Variants in ASMT observed in about 807,000 individuals in gnomAD.
ASMT encodes the protein acetylserotonin O-methyltransferase, also known as acetylserotonin N-methyltransferase.
Under a neutral mutation model 41.3 loss-of-function variants are expected in ASMT, and 53 were observed. That is an observed-to-expected ratio of 1.28 (90% CI 1.03 to 1.61). The LOEUF (loss-of-function observed/expected upper bound fraction) is 1.61, where lower values mean the gene tolerates loss of function less well. ASMT is among the 40% of genes most tolerant of loss of function. The pLI is 0.00. For missense variants in ASMT, 531 were observed against 441.3 expected (o/e 1.20, Z -1.82); for synonymous variants, 231 against 184.8 (o/e 1.25, Z -2.03).
At position 1,636,498 on chromosome X, in the gene ASMT, A is replaced by G. The variant is rs1243171133; in HGVS notation, c.848A>G (p.His283Arg). 2 of 1,613,906 alleles carry G rather than the reference A, an allele frequency of 1.2e-6. No individual in the cohort carries two copies. The highest frequency in any genetic ancestry group is 1.7e-6 in the Non-Finnish European group (2 of 1,179,858). Residue 283 changes from histidine (H) to arginine (R), a missense_variant, in exon 8 of 9, where the codon CAT becomes CGT. His to Arg is a conservative substitution (Grantham distance 29, BLOSUM62 0). Transcript: ENST00000381241. ...ADLYILARVL[H>R]DWADGKCSHL... ...CTGTACATCCTGGCCAGGGTCCTCC[A>G]TGACTGGGCAGACGGAAAGTGCTCA...
intron 8 of ASMT, among the ~76,000 whole-genome samples, chrX:1,640,610 C>G (rs1935113151): frequency 3.5e-5 from 1 of 28,266 alleles, no homozygotes; most frequent in Non-Finnish European, 5.9e-5. Context: ...GGCACAGCCT[C>G]TGTGTGTGAG....
At chrX:1,620,844 G>A (rs367639481) in intron 1 of ASMT, among the ~76,000 whole-genome samples, 1 of 151,860 alleles carries the variant, frequency 6.6e-6, no homozygotes, top group Non-Finnish European at 1.5e-5. Context: ...AGGCGTGATC[G>A]TGCCACTGCA....
rs762368107 is a variant in ASMT, at chrX:1,616,870, G to A, written c.69+1602G>A. On this transcript the variant is annotated intron_variant, in intron 1 of 8. Coordinates refer to ENST00000381241, the MANE Select transcript of ASMT (RefSeq NM_001171038.2). ...ATTACAGGCACCCGCCACCACGCCC[G>A]GCTAATTTTTTGTATTTTTAGTAGA... Among the ~76,000 whole-genome samples, 34 of 151,568 alleles carry A rather than the reference G, an allele frequency of 2.2e-4. No individual in the cohort carries two copies. The South Asian group carries it at 2.7e-3, about 12-fold the overall frequency.
intron 8 of ASMT, among the ~76,000 whole-genome samples, chrX:1,641,526 G>C (rs1376774715): frequency 4.7e-5 from 7 of 148,014 alleles, no homozygotes; most frequent in Non-Finnish European, 7.5e-5. Flanking sequence ...CTCTGTGTGT[G>C]TGTTGGGGAC....
intron 5 of ASMT, 36 bp downstream of exon 5, chrX:1,629,975 G>A (rs1569378131): frequency 6.5e-7 from 1 of 1,539,946 alleles, no homozygotes; most frequent in East Asian, 2.2e-5. Flanking sequence ...TCGGAGGTGT[G>A]GCTTCTGTTC....
In ASMT at chrX:1,623,193, G is replaced by A. The variant is rs1934398860; in HGVS notation, c.124G>A (p.Gly42Arg). 6.2e-7 allele frequency: 1 copy of A among 1,613,222 alleles called. No homozygotes were observed. The highest frequency in any genetic ancestry group is 8.5e-7 in the Non-Finnish European group (1 of 1,179,848). ...GTTTGACCTTCTCGCCGAGGCCCCA[G>A]GGCCCCTGGACGTGGCGGCAGTGGC... ...GVFDLLAEAP[G>R]PLDVAAVAAG... Residue 42 changes from glycine to arginine, a missense_variant, in exon 2 of 9, where the codon GGG becomes AGG. Coordinates refer to ENST00000381241, the MANE Select transcript of ASMT (RefSeq NM_001171038.2).
chrX:1,626,809 C>T (rs773269438), intron 3 of ASMT, among the ~76,000 whole-genome samples: 141 of 104,096 alleles, frequency 1.4e-3, no homozygotes, highest in African/African-American at 4.4e-3. Context: ...GGGTGGATCA[C>T]CTGAGGTCAC....
At chrX:1,615,413 T>C in intron 1 of ASMT, 145 bp downstream of exon 1, 2 of 856,200 alleles carry the variant, frequency 2.3e-6, no homozygotes, top group Admixed American at 2.0e-5. Flanking sequence ...ACCCACGATG[T>C]AGCCTCAGGA....
chrX:1,616,262 C>A, intron 1 of ASMT, among the ~76,000 whole-genome samples: 1 of 151,570 alleles, frequency 6.6e-6, no homozygotes, highest in South Asian at 2.1e-4. Context: ...CTCCTGACCT[C>A]AAGTGATTCA....
At chrX:1,636,370 C>G (rs1345835992) in intron 7 of ASMT, 68 bp from the exon 8 acceptor site, 2 of 1,613,202 alleles carry the variant, frequency 1.2e-6, no homozygotes, top group Non-Finnish European at 1.7e-6. Context: ...CCTTTTGTGC[C>G]CAGAATAGGT....
chrX:1,633,100 T>C (rs1934838350), intron 6 of ASMT, 50 bp from the exon 7 acceptor site: 1 of 1,612,748 alleles, frequency 6.2e-7, no homozygotes, highest in South Asian at 1.1e-5. Context: ...GGGTGAGCGA[T>C]GTCTCTCAGG....
intron 1 of ASMT, among the ~76,000 whole-genome samples, chrX:1,616,785 T>C (rs1403271907): frequency 3.3e-5 from 5 of 150,976 alleles, no homozygotes; most frequent in Admixed American, 1.3e-4. Flanking sequence ...CTCGGCTCAC[T>C]GCAAGCTCCA....
rs1603462036 is a variant in ASMT at position 1,642,852 on chromosome X, T to A, written c.960T>A (p.Gly320=). Residue 320 remains glycine (G), a synonymous_variant, in exon 9 of 9, where the codon GGT becomes GGA. Transcript: ENST00000381241. ...IESLLDEDRR[G]PLLTQLYSLN... ...GCCTCCTGGATGAAGACAGGCGAGG[T>A]CCTCTGCTCACGCAGCTCTACTCTC... 1 of 1,613,884 alleles carries A rather than the reference T, an allele frequency of 6.2e-7. No individual in the cohort carries two copies. The highest frequency in any genetic ancestry group is 1.1e-5 in the South Asian group (1 of 91,064).
At chrX:1,621,348 C>T (rs1290888779) in intron 1 of ASMT, among the ~76,000 whole-genome samples, 7 of 151,920 alleles carry the variant, frequency 4.6e-5, no homozygotes, top group South Asian at 2.1e-4. Context: ...GATGGAGTCT[C>T]GCTCTGTTGC....
At position 1,616,679 on chromosome X, in the gene ASMT, G is replaced by A. The variant is rs1352657589; in HGVS notation, c.69+1411G>A. Among the ~76,000 whole-genome samples the A allele has an allele frequency of 1.3e-5, 2 of 151,248 alleles. 1 individual carries two copies. Among genetic ancestry groups the A allele is most frequent in the Non-Finnish European group, 3.0e-5 (2 of 67,630 alleles). ...TAGCCCAGGAATTCGAGACCAGTCTGGGCAACATAGTGAGACCCCCCATTT... is the reference window on the plus strand; with the variant it reads ...TAGCCCAGGAATTCGAGACCAGTCTAGGCAACATAGTGAGACCCCCCATTT... On this transcript the variant is annotated intron_variant, in intron 1 of 8. Coordinates refer to ENST00000381241, the MANE Select transcript of ASMT (RefSeq NM_001171038.2).
Position 1,637,122 on chromosome X carries a change from C to G in ASMT, c.910+562C>G, listed in dbSNP as rs766489331. 4.8e-4 allele frequency among the ~76,000 whole-genome samples: 56 copies of G among 116,646 alleles called. 3 individuals carry two copies. The highest frequency in any genetic ancestry group is 1.0e-3 in the Admixed American group (12 of 11,754). 76.5% of individuals were successfully genotyped at this position (116,646 alleles called of 152,430 possible). A position where few individuals can be genotyped will look rare whatever the true frequency, so the allele number is the denominator to read the frequency against. ...GTCCCAGCTCTCCTGTGAGGTCCACCCATCCTGATGCTTCACGAGGACGTG... is the reference window on the plus strand; with the variant it reads ...GTCCCAGCTCTCCTGTGAGGTCCACGCATCCTGATGCTTCACGAGGACGTG... On this transcript the variant is annotated intron_variant, in intron 8 of 8. Transcript: ENST00000381241.
intron 7 of ASMT, 104 bp from the exon 8 acceptor site, chrX:1,636,334 G>A: frequency 1.3e-6 from 2 of 1,547,216 alleles, no homozygotes; most frequent in Non-Finnish European, 8.9e-7. Context: ...TGGAAGACCT[G>A]GGAAAGGCGT....
At chrX:1,616,453 C>T (rs1452793875) in intron 1 of ASMT, among the ~76,000 whole-genome samples, 19 of 151,402 alleles carry the variant, frequency 1.3e-4, no homozygotes, top group African/African-American at 4.6e-4. Context: ...GGCAGGACTG[C>T]GGAGGGAGTG....
At chrX:1,628,683 C>T (rs1934651045) in intron 4 of ASMT, among the ~76,000 whole-genome samples, 1 of 149,588 alleles carries the variant, frequency 6.7e-6, no homozygotes, top group Non-Finnish European at 1.5e-5. Flanking sequence ...TCCTTCTCTT[C>T]TCTTCTCTCC....
Sources: gnomAD v4.1 joint callset for allele counts (sites outside exome capture counted in the v4.1 genomes callset) on GRCh38, gnomAD v4.1.1 for gene constraint, MANE v1.5 for transcripts, NCBI Gene and HGNC (gene_info 2026-07-23, HGNC 2026-07-21) for gene names.